The following SLC10A7 variants were observed in gnomAD, a reference collection of about 807,000 sequenced individuals.
SLC10A7 encodes sodium/bile acid cotransporter 7.
In SLC10A7, 29 loss-of-function variants were observed where a neutral mutation model predicts 43.2. That is an observed-to-expected ratio of 0.67 (90% CI 0.50 to 0.92). SLC10A7 has a LOEUF of 0.92. Among genes scored for constraint, SLC10A7 ranks in the 40% least tolerant of loss-of-function variants. The probability of loss-of-function intolerance (pLI) is 0.00; values close to 1 mark genes in which losing one functional copy is unlikely to be tolerated. For synonymous variants in SLC10A7, 152 were observed against 144.8 expected (o/e 1.05, Z -0.35); for missense variants, 295 against 403.2 (o/e 0.73, Z 2.30).
intron 2 of SLC10A7, among the ~76,000 whole-genome samples, chr4:146,511,897 T>C (rs6537426): frequency 0.79 from 118,773 of 151,114 alleles, 47,026 homozygotes; most frequent in East Asian, 0.95. Context: ...TAAACAAATA[T>C]TAGTATTTTT....
intron 5 of SLC10A7, among the ~76,000 whole-genome samples, chr4:146,422,031 T>C (rs996692305): frequency 7.9e-5 from 12 of 152,338 alleles, no homozygotes; most frequent in Admixed American, 6.5e-4. Context: ...GTATCTTATA[T>C]TCTTCATCAC....
chr4:146,358,269 A>G (rs1159105657), intron 5 of SLC10A7, among the ~76,000 whole-genome samples: 1 of 152,172 alleles, frequency 6.6e-6, no homozygotes, highest in East Asian at 1.9e-4. Context: ...GAAGAAACTT[A>G]TAATTCTCCT....
chr4:146,360,555 C>T (rs1735971090), intron 5 of SLC10A7, among the ~76,000 whole-genome samples: 1 of 152,074 alleles, frequency 6.6e-6, no homozygotes, highest in African/African-American at 2.4e-5. Flanking sequence ...ATCCTACTGC[C>T]TCAGCCTTCT....
intron 4 of SLC10A7, among the ~76,000 whole-genome samples, chr4:146,445,248 C>G (rs1046945604): frequency 6.6e-6 from 1 of 152,170 alleles, no homozygotes; most frequent in Non-Finnish European, 1.5e-5. Flanking sequence ...GCTTGGTCAT[C>G]ATCCTTCTGA....
chr4:146,278,903 T>C (rs1729371672), intron 10 of SLC10A7, among the ~76,000 whole-genome samples: 1 of 152,182 alleles, frequency 6.6e-6, no homozygotes, highest in Non-Finnish European at 1.5e-5. Context: ...TATATTCTTT[T>C]AGCTTAGTGC....
At chr4:146,321,189 T>C (rs1732682082) in intron 6 of SLC10A7, among the ~76,000 whole-genome samples, 1 of 152,114 alleles carries the variant, frequency 6.6e-6, no homozygotes, top group African/African-American at 2.4e-5. Flanking sequence ...TATTGCCTCA[T>C]GGTTCTAGAA....
intron 3 of SLC10A7, among the ~76,000 whole-genome samples, chr4:146,504,518 C>CAAAA (rs5862761): frequency 1.5e-4 from 13 of 88,512 alleles, no homozygotes; most frequent in African/African-American, 2.2e-4. Context: ...GACTCCGTCT[C>CAAAA]AAAAAAAAAA....
At chr4:146,263,805 T>C (rs1036839057) in intron 10 of SLC10A7, among the ~76,000 whole-genome samples, 2 of 152,248 alleles carry the variant, frequency 1.3e-5, no homozygotes, top group African/African-American at 2.4e-5. Flanking sequence ...CAATGCATTG[T>C]CTGAAAGATG....
At chr4:146,393,703 T>G (rs926495369) in intron 5 of SLC10A7, among the ~76,000 whole-genome samples, 2 of 152,174 alleles carry the variant, frequency 1.3e-5, no homozygotes, top group Admixed American at 1.3e-4. Flanking sequence ...TTGCTACCTA[T>G]CCAACTCAAG....
In SLC10A7 at chr4:146,509,903, T is replaced by C; in HGVS notation, c.320+10A>G. 1 of 1,609,120 alleles carries C rather than the reference T, an allele frequency of 6.2e-7. No individual in the cohort carries two copies. On this transcript the variant is annotated intron_variant, in intron 3 of 11. Coordinates refer to ENST00000335472, the MANE Select transcript of SLC10A7 (RefSeq NM_001029998.6). ...TAAAAGTGGACCCACTTTTAAAGATTTAAACATACCCTTTTAAAAGCCATT... is the reference window on the plus strand; with the variant it reads ...TAAAAGTGGACCCACTTTTAAAGATCTAAACATACCCTTTTAAAAGCCATT...
At chr4:146,499,002 C>T (rs1736168966) in intron 4 of SLC10A7, among the ~76,000 whole-genome samples, 1 of 152,102 alleles carries the variant, frequency 6.6e-6, no homozygotes, top group African/African-American at 2.4e-5. Flanking sequence ...ACAATCATTT[C>T]AAATGACACC....
At chr4:146,379,175 A>G (rs1304496568) in intron 5 of SLC10A7, among the ~76,000 whole-genome samples, 1 of 152,188 alleles carries the variant, frequency 6.6e-6, no homozygotes, top group African/African-American at 2.4e-5. Context: ...TCACAAAACC[A>G]TTAGGATCCT....
At chr4:146,308,406 A>G (rs898446953) in intron 6 of SLC10A7, among the ~76,000 whole-genome samples, 2 of 152,172 alleles carry the variant, frequency 1.3e-5, no homozygotes, top group African/African-American at 4.8e-5. Flanking sequence ...ATGCCCTGGC[A>G]TCCAGAAGAC....
chr4:146,258,065 T>C (rs1213356538), intron 11 of SLC10A7, among the ~76,000 whole-genome samples: 1 of 152,254 alleles, frequency 6.6e-6, no homozygotes, highest in African/African-American at 2.4e-5. Context: ...ATATGCACCA[T>C]CTAAACTTCT....
At chr4:146,448,022 A>T (rs1731257294) in intron 4 of SLC10A7, among the ~76,000 whole-genome samples, 1 of 151,940 alleles carries the variant, frequency 6.6e-6, no homozygotes, top group Non-Finnish European at 1.5e-5. Context: ...AACAATGAGA[A>T]CACATGGACA....
At chr4:146,409,631 A>C (rs1728021323) in intron 5 of SLC10A7, among the ~76,000 whole-genome samples, 2 of 152,208 alleles carry the variant, frequency 1.3e-5, no homozygotes, top group African/African-American at 4.8e-5. Flanking sequence ...TTATACCTTA[A>C]TTTTAAAATC....
intron 5 of SLC10A7, among the ~76,000 whole-genome samples, chr4:146,366,284 A>G (rs1293610708): frequency 6.6e-6 from 1 of 152,216 alleles, no homozygotes; most frequent in African/African-American, 2.4e-5. Context: ...TTATGTAACC[A>G]TCCCAGTGGG....
intron 4 of SLC10A7, among the ~76,000 whole-genome samples, chr4:146,475,873 A>G (rs1733979720): frequency 6.6e-6 from 1 of 152,334 alleles, no homozygotes; most frequent in Admixed American, 6.5e-5. Context: ...AACAAAGCCA[A>G]CTGAATTTAT....
intron 5 of SLC10A7, among the ~76,000 whole-genome samples, chr4:146,434,856 C>T (rs1730085102): frequency 6.6e-6 from 1 of 152,182 alleles, no homozygotes; most frequent in Non-Finnish European, 1.5e-5. Flanking sequence ...GCCACCACGC[C>T]CACCTACTTG....
Sources: allele counts gnomAD v4.1 joint callset (sites outside exome capture counted in the v4.1 genomes callset), GRCh38; gene constraint gnomAD v4.1.1; transcripts MANE v1.5; gene names NCBI Gene and HGNC (gene_info 2026-07-23, HGNC 2026-07-21).